GLI3: variants seen among roughly 807,000 people sequenced by gnomAD.
GLI3 encodes GLI family zinc finger 3, also known as transcription activator GLI3.
A neutral mutation model predicts 100.8 loss-of-function variants in GLI3; 20 were observed. The ratio of observed to expected loss-of-function variants is 0.20; its 90% CI spans 0.14 to 0.29. GLI3 has a LOEUF of 0.29. Among genes scored for constraint, GLI3 ranks in the 10% least tolerant of loss-of-function variants. The pLI is 1.00. For missense variants in GLI3, 2,040 were observed against 2,128.5 expected (o/e 0.96, Z 0.82); for synonymous variants, 938 against 860.5 (o/e 1.09, Z -1.58).
chr7:41,968,974 C>T (rs1030204858), intron 13 of GLI3, among the ~76,000 whole-genome samples: 5 of 152,110 alleles, frequency 3.3e-5, no homozygotes, highest in Admixed American at 2.6e-4. Flanking sequence ...CACCGTAGTC[C>T]TCAATCAGGG....
At chr7:42,114,116 G>C (rs1354822027) in intron 3 of GLI3, among the ~76,000 whole-genome samples, 1 of 152,176 alleles carries the variant, frequency 6.6e-6, no homozygotes, top group African/African-American at 2.4e-5. Flanking sequence ...AAAGAGCAGT[G>C]GTTCCGTTTC....
chr7:42,124,707 G>A (rs1583578323), intron 3 of GLI3, among the ~76,000 whole-genome samples: 1 of 152,290 alleles, frequency 6.6e-6, no homozygotes, highest in Admixed American at 6.5e-5. Context: ...ACAGTGAAAT[G>A]CTTTGTTCAA....
At chr7:42,223,377 T>C in intron 1 of GLI3, 82 bp from the exon 2 acceptor site, 1 of 776,570 alleles carries the variant, frequency 1.3e-6, no homozygotes, top group Non-Finnish European at 2.1e-6. Flanking sequence ...TCACCTGTCA[T>C]CTGAGAAAAG....
At chr7:42,264,075 C>T (rs1256572093) in exon 1 of GLI3, among the ~76,000 whole-genome samples, 1 of 152,190 alleles carries the variant, frequency 6.6e-6, no homozygotes, top group East Asian at 1.9e-4. Flanking sequence ...ATGAGATGGG[C>T]TGTCCAGGCA....
At chr7:42,089,751 T>G (rs1046002557) in intron 3 of GLI3, among the ~76,000 whole-genome samples, 1 of 152,244 alleles carries the variant, frequency 6.6e-6, no homozygotes, top group Non-Finnish European at 1.5e-5. Flanking sequence ...TAAATTTTCT[T>G]TCATCCGTAA....
rs980247613 is a variant in GLI3, at chr7:41,972,870, G to A, written c.1813-243C>T. On this transcript the variant is annotated intron_variant, in intron 12 of 14. Coordinates refer to ENST00000395925, the MANE Select transcript of GLI3 (RefSeq NM_000168.6). This position sits in a 1 kb window ranked among gnomAD's most constrained non-coding sequence, Gnocchi z 4.4. ...GAGAGAGAGGCTCAGGGAGAACTAA[G>A]AATGTGTAAATTGCCTTGATGTTCT... Among the ~76,000 whole-genome samples the A allele has an allele frequency of 1.1e-4, 17 of 152,254 alleles. No homozygotes were observed. Among genetic ancestry groups the A allele is most frequent in the Non-Finnish European group, 2.1e-4 (14 of 68,006 alleles).
chr7:42,063,816 C>T (rs1784620433), intron 4 of GLI3, among the ~76,000 whole-genome samples: 1 of 152,134 alleles, frequency 6.6e-6, no homozygotes, highest in African/African-American at 2.4e-5. Context: ...TAGACAGATT[C>T]AGTAATCTGA....
chr7:42,169,372 T>C (rs1482321747), intron 2 of GLI3, among the ~76,000 whole-genome samples: 1 of 152,112 alleles, frequency 6.6e-6, no homozygotes, highest in African/African-American at 2.4e-5. Context: ...AATATGAAAA[T>C]GAAAAATAGT....
intron 3 of GLI3, among the ~76,000 whole-genome samples, chr7:42,146,796 T>G (rs1363755478): frequency 1.3e-5 from 2 of 152,136 alleles, no homozygotes; most frequent in African/African-American, 2.4e-5. Context: ...TGCAGAAAAC[T>G]TAGGAATGTG....
intron 3 of GLI3, among the ~76,000 whole-genome samples, chr7:42,117,373 G>A (rs994477853): frequency 7.9e-5 from 12 of 152,216 alleles, no homozygotes; most frequent in Non-Finnish European, 1.3e-4. Context: ...GCTGTCACCT[G>A]TCTGACAGGT....
intron 10 of GLI3, among the ~76,000 whole-genome samples, chr7:42,005,669 T>C (rs1189440234): frequency 6.6e-6 from 1 of 152,150 alleles, no homozygotes; most frequent in Non-Finnish European, 1.5e-5. Flanking sequence ...ACCGACCCAT[T>C]GGGCTCTGCT....
intron 2 of GLI3, among the ~76,000 whole-genome samples, chr7:42,206,470 C>T (rs1788155994): frequency 6.6e-6 from 1 of 152,224 alleles, no homozygotes; most frequent in Non-Finnish European, 1.5e-5. Flanking sequence ...GCTGAACCCT[C>T]TCCATCTTGT....
At chr7:42,164,848 A>G (rs1464780571) in intron 2 of GLI3, among the ~76,000 whole-genome samples, 1 of 151,524 alleles carries the variant, frequency 6.6e-6, no homozygotes, top group Admixed American at 6.6e-5. Flanking sequence ...AAATAAATAA[A>G]TAAAAATTAA....
chr7:42,238,097 C>T (rs750032049), upstream of GLI3, among the ~76,000 whole-genome samples: 1 of 151,334 alleles, frequency 6.6e-6, no homozygotes, highest in South Asian at 2.1e-4. Context: ...TCCTCCTCTT[C>T]CCCCTACTTG....
At chr7:42,005,637 G>T (rs1340979476) in intron 10 of GLI3, among the ~76,000 whole-genome samples, 3 of 152,026 alleles carry the variant, frequency 2.0e-5, no homozygotes, top group African/African-American at 7.3e-5. Flanking sequence ...GCCTCCCCAG[G>T]TCTCCTGTCC....
chr7:42,084,930 T>TTTTTTTTTTTTTTC (rs1785071558), intron 3 of GLI3, among the ~76,000 whole-genome samples: 3 of 104,122 alleles, frequency 2.9e-5, no homozygotes, highest in African/African-American at 1.2e-4. Context: ...TTTTTTTTTT[T>TTTTTTTTTTTTTTC]AGATTGAGTC....
chr7:42,076,163 G>A (rs183881955), intron 4 of GLI3, among the ~76,000 whole-genome samples: 1 of 152,252 alleles, frequency 6.6e-6, no homozygotes, highest in Admixed American at 6.5e-5. Flanking sequence ...CAAGGAAGAT[G>A]GTATTTACTT....
intron 2 of GLI3, among the ~76,000 whole-genome samples, chr7:42,207,031 G>A (rs2108366): frequency 0.87 from 131,933 of 152,216 alleles, 57,227 homozygotes; most frequent in Middle Eastern, 0.93. Context: ...AAGGGCTACA[G>A]TGAAAAATAC....
intron 10 of GLI3, among the ~76,000 whole-genome samples, chr7:42,021,924 C>A (rs2299142): frequency 3.3e-4 from 50 of 152,188 alleles, no homozygotes; most frequent in Non-Finnish European, 6.6e-4. Context: ...AAATTCCAAA[C>A]TTTTCCCCTT....
Sources: allele counts gnomAD v4.1 joint callset (sites outside exome capture counted in the v4.1 genomes callset), GRCh38; gene constraint gnomAD v4.1.1; non-coding constraint Gnocchi (gnomAD v3.1); transcripts MANE v1.5; gene names NCBI Gene and HGNC (gene_info 2026-07-23, HGNC 2026-07-21).